Variants in TTC17 observed in about 807,000 individuals in gnomAD.
TTC17 encodes tetratricopeptide repeat protein 17.
A neutral mutation model predicts 143.8 loss-of-function variants in TTC17; 58 were observed. The observed-to-expected ratio is 0.40, with a 90% CI of 0.33 to 0.50. TTC17 has a LOEUF of 0.50. Among genes scored for constraint, TTC17 ranks in the 20% least tolerant of loss-of-function variants. TTC17 has a pLI of 0.49. For synonymous variants in TTC17, 501 were observed against 497.8 expected, an observed-to-expected ratio of 1.01 and a Z score of -0.09; for missense variants, 1,273 against 1,392.5, an observed-to-expected ratio of 0.91 and a Z score of 1.37.
At chr11:43,359,292 C>T (rs1252937572) in intron 1 of TTC17, 179 bp downstream of exon 1, 3 of 742,456 alleles carry the variant, frequency 4.0e-6, no homozygotes, top group South Asian at 2.4e-5. Context: ...CCGCTCCCCA[C>T]TTGTCTCCTG....
intron 15 of TTC17, among the ~76,000 whole-genome samples, chr11:43,410,454 C>A (rs571343143): frequency 3.3e-5 from 5 of 152,208 alleles, no homozygotes; most frequent in Admixed American, 6.5e-5. Context: ...AAGATCTTTT[C>A]CTGTGACGTC....
chr11:43,490,480 G>C lies in TTC17; in HGVS notation c.3150+122G>C. On this transcript the variant is annotated intron_variant, in intron 22 of 23. Transcript: ENST00000039989. ...CCAGTGAGGACATATTCCAAGGAGAGAATGGGGCAGGAGACCTTCTGACTG... is the reference window on the plus strand; with the variant it reads ...CCAGTGAGGACATATTCCAAGGAGACAATGGGGCAGGAGACCTTCTGACTG... 2.1e-6 allele frequency: 3 copies of C among 1,397,508 alleles called. No homozygotes were observed. The Admixed American group carries it at 7.1e-5, about 33-fold the overall frequency. The allele number at this position is 1,397,508 out of a possible 1,614,324, so 86.6% of individuals were successfully genotyped here.
At chr11:43,404,589 A>G (rs1421761604) in intron 11 of TTC17, among the ~76,000 whole-genome samples, 1 of 152,222 alleles carries the variant, frequency 6.6e-6, no homozygotes, top group Non-Finnish European at 1.5e-5. Flanking sequence ...TAAACAAGTT[A>G]GTACATGTGC....
At chr11:43,489,598 C>G (rs928197502) in intron 21 of TTC17, among the ~76,000 whole-genome samples, 34 of 151,858 alleles carry the variant, frequency 2.2e-4, no homozygotes, top group Non-Finnish European at 7.4e-5. Flanking sequence ...ATTAGACAGG[C>G]GTGGTGGTGC....
chr11:43,470,429 G>A (rs553309611), intron 21 of TTC17, among the ~76,000 whole-genome samples: 1 of 152,184 alleles, frequency 6.6e-6, no homozygotes, highest in Non-Finnish European at 1.5e-5. Flanking sequence ...AGCCTCATGA[G>A]CATAGAGTCC....
At chr11:43,397,048 A>T (rs1247299039) in intron 6 of TTC17, 7 of 461,938 alleles carry the variant, frequency 1.5e-5, no homozygotes, top group Non-Finnish European at 2.7e-5. Flanking sequence ...AAATATGTAG[A>T]TGCCCTATGA....
At chr11:43,453,149 A>G (rs939164666) in intron 21 of TTC17, among the ~76,000 whole-genome samples, 11 of 146,164 alleles carry the variant, frequency 7.5e-5, no homozygotes, top group Admixed American at 2.8e-4. Flanking sequence ...AGAAAGGGAC[A>G]TAGAGGACAG....
chr11:43,442,142 T>C (rs1428456630), intron 16 of TTC17, among the ~76,000 whole-genome samples: 2 of 152,182 alleles, frequency 1.3e-5, no homozygotes, highest in Non-Finnish European at 2.9e-5. Flanking sequence ...CGTAACACAA[T>C]GGTAAATATT....
At chr11:43,428,775 A>AAC (rs1188852573) in intron 16 of TTC17, among the ~76,000 whole-genome samples, 17 of 152,212 alleles carry the variant, frequency 1.1e-4, no homozygotes, top group African/African-American at 3.9e-4. Context: ...GTAAAAGGAA[A>AAC]ACACACACAC....
intron 21 of TTC17, among the ~76,000 whole-genome samples, chr11:43,461,256 C>T (rs1340465466): frequency 6.6e-6 from 1 of 151,636 alleles, no homozygotes; most frequent in East Asian, 1.9e-4. Context: ...CAGTGGCGGG[C>T]GCCTGTAGTC....
chr11:43,378,602 A>G (rs1321222226), intron 1 of TTC17, among the ~76,000 whole-genome samples: 3 of 152,214 alleles, frequency 2.0e-5, no homozygotes, highest in Admixed American at 2.0e-4. Flanking sequence ...CTCAAAGGTT[A>G]TGCAATTGTA....
chr11:43,418,337 TC>T (rs1414566103), intron 16 of TTC17, among the ~76,000 whole-genome samples: 1 of 152,214 alleles, frequency 6.6e-6, no homozygotes, highest in Non-Finnish European at 1.5e-5. Flanking sequence ...CACTACCATT[TC>T]AAGGATGCTG....
At chr11:43,379,043 A>C (rs1023834532) in intron 1 of TTC17, 190 bp from the exon 2 acceptor site, 2 of 557,896 alleles carry the variant, frequency 3.6e-6, no homozygotes, top group Non-Finnish European at 6.2e-6. Context: ...TCACAGGACA[A>C]CTGTTGCACT....
chr11:43,474,116 G>A (rs183490495), intron 21 of TTC17, among the ~76,000 whole-genome samples: 199 of 152,236 alleles, frequency 1.3e-3, no homozygotes, highest in Middle Eastern at 6.8e-3. Flanking sequence ...CAGCAGTAGC[G>A]GAGTGATTAA....
At chr11:43,426,422 T>C (rs903613041) in intron 16 of TTC17, among the ~76,000 whole-genome samples, 3 of 152,252 alleles carry the variant, frequency 2.0e-5, no homozygotes, top group African/African-American at 7.2e-5. Flanking sequence ...GATCATGCAT[T>C]GGCCATATTT....
chr11:43,374,103 C>G (rs1028449411), intron 1 of TTC17, among the ~76,000 whole-genome samples: 1 of 152,080 alleles, frequency 6.6e-6, no homozygotes, highest in Non-Finnish European at 1.5e-5. Context: ...TATTAAATGC[C>G]TAGCATATAC....
chr11:43,371,404 C>T (rs145821192), intron 1 of TTC17, among the ~76,000 whole-genome samples: 1 of 152,280 alleles, frequency 6.6e-6, no homozygotes, highest in East Asian at 1.9e-4. Flanking sequence ...AATTAATTTG[C>T]CAGAGTGGCT....
chr11:43,388,591 C>T (rs1443566160), intron 2 of TTC17, among the ~76,000 whole-genome samples: 2 of 150,580 alleles, frequency 1.3e-5, no homozygotes, highest in Non-Finnish European at 3.0e-5. Flanking sequence ...GTAGTCCCAA[C>T]ACTTTGGGAG....
chr11:43,379,923 T>C (rs943500580), intron 2 of TTC17, among the ~76,000 whole-genome samples: 1 of 152,228 alleles, frequency 6.6e-6, no homozygotes, highest in Non-Finnish European at 1.5e-5. Flanking sequence ...TATTTGTTAT[T>C]TGAAAAACTA....
Sources: allele counts gnomAD v4.1 joint callset (sites outside exome capture counted in the v4.1 genomes callset), GRCh38; gene constraint gnomAD v4.1.1; transcripts MANE v1.5; gene names NCBI Gene and HGNC (gene_info 2026-07-23, HGNC 2026-07-21).